The following HECW2 variants were observed in gnomAD, a reference collection of about 807,000 sequenced individuals.
HECW2 encodes HECT, C2 and WW domain containing E3 ubiquitin protein ligase 2, also known as E3 ubiquitin-protein ligase HECW2.
In HECW2, 61 loss-of-function variants were observed where a neutral mutation model predicts 175.2. The observed-to-expected ratio is 0.35, with a 90% CI of 0.28 to 0.43. The LOEUF (loss-of-function observed/expected upper bound fraction) is 0.43, where lower values mean the gene tolerates loss of function less well. Ranked by LOEUF, HECW2 falls within the 20% of genes least tolerant of loss-of-function variation. The probability of loss-of-function intolerance (pLI) is 1.00; values close to 1 mark genes in which losing one functional copy is unlikely to be tolerated. For synonymous variants in HECW2, 671 were observed against 731.0 expected (o/e 0.92, Z 1.32); for missense variants, 1,524 against 2,000.5 (o/e 0.76, Z 4.54).
intron 1 of HECW2, among the ~76,000 whole-genome samples, chr2:196,552,980 A>T (rs1213641727): frequency 6.6e-6 from 1 of 152,192 alleles, no homozygotes; most frequent in Non-Finnish European, 1.5e-5. Context: ...TCCATTACCT[A>T]ATCTGGATAA....
At chr2:196,531,394 A>G (rs1260604811) in intron 1 of HECW2, among the ~76,000 whole-genome samples, 1 of 152,240 alleles carries the variant, frequency 6.6e-6, no homozygotes, top group African/African-American at 2.4e-5. Flanking sequence ...GCGGCAGCTC[A>G]GGCCTGTAAT....
chr2:196,498,613 C>T (rs1337908819), intron 1 of HECW2, among the ~76,000 whole-genome samples: 1 of 152,132 alleles, frequency 6.6e-6, no homozygotes, highest in Non-Finnish European at 1.5e-5. Context: ...TAGTTCCTTA[C>T]CAAACTTAAT....
intron 1 of HECW2, chr2:196,586,393 T>C (rs1575701169): frequency 6.6e-6 from 1 of 152,172 alleles, no homozygotes; most frequent in African/African-American, 2.4e-5. Flanking sequence ...TCCAAAGATA[T>C]CTTACTCCAC....
At chr2:196,507,590 T>C (rs1462203040) in intron 1 of HECW2, among the ~76,000 whole-genome samples, 1 of 152,184 alleles carries the variant, frequency 6.6e-6, no homozygotes, top group African/African-American at 2.4e-5. Context: ...AGTGATGAAG[T>C]TGAGAAACCC....
chr2:196,207,553 G>T (rs745743492), intron 28 of HECW2, among the ~76,000 whole-genome samples: 1 of 152,106 alleles, frequency 6.6e-6, no homozygotes, highest in East Asian at 1.9e-4. Context: ...CCAGGTGTTC[G>T]GTAAAGGTGA....
chr2:196,204,036 T>C (rs1369577488), intron 28 of HECW2, among the ~76,000 whole-genome samples: 1 of 152,234 alleles, frequency 6.6e-6, no homozygotes, highest in East Asian at 1.9e-4. Context: ...GGTCAGAATT[T>C]CCTTCCTTTT....
intron 13 of HECW2, among the ~76,000 whole-genome samples, chr2:196,306,050 G>A (rs969721704): frequency 3.9e-5 from 6 of 152,062 alleles, no homozygotes; most frequent in Non-Finnish European, 7.4e-5. Flanking sequence ...AGGAGATGGG[G>A]GCAGGAGGTG....
chr2:196,258,156 C>T (rs73042322), intron 17 of HECW2: 3 of 479,672 alleles, frequency 6.3e-6, no homozygotes, highest in Non-Finnish European at 1.1e-5. Flanking sequence ...CTGGCTTCAT[C>T]ATTTTGCTGC....
In HECW2 at chr2:196,253,687, T is replaced by C. The variant is rs190694216; in HGVS notation, c.3529+233A>G. The stretch of plus-strand genomic sequence containing the variant: ...ATGATATAACATCATGAAAAGTAAA[T>C]TCTATATCTGAGTATGTCATACCAC... On this transcript the variant is annotated intron_variant, in intron 19 of 28. Coordinates refer to ENST00000644978, the MANE Select transcript of HECW2 (RefSeq NM_001348768.2). Among the ~76,000 whole-genome samples the C allele has an allele frequency of 1.3e-3, 193 of 152,316 alleles. 5 individuals are homozygous for C. The highest frequency in any genetic ancestry group is 0.012 in the Admixed American group (191 of 15,296).
intron 3 of HECW2, among the ~76,000 whole-genome samples, chr2:196,341,494 T>C (rs1381718646): frequency 1.3e-5 from 2 of 152,218 alleles, no homozygotes; most frequent in South Asian, 2.1e-4. Context: ...GCTGGGGCAA[T>C]GTTGGAAAGT....
chr2:196,558,644 C>T (rs1260231061), intron 1 of HECW2, among the ~76,000 whole-genome samples: 4 of 152,206 alleles, frequency 2.6e-5, no homozygotes, highest in Admixed American at 1.3e-4. Context: ...TGGCGTATCC[C>T]TTGTGTAAAA....
At chr2:196,567,199 A>G (rs1690219650) in intron 1 of HECW2, among the ~76,000 whole-genome samples, 4 of 152,232 alleles carry the variant, frequency 2.6e-5, no homozygotes, top group African/African-American at 9.6e-5. Flanking sequence ...ATGGCAGAGC[A>G]ACAAAATACA....
intron 15 of HECW2, 25 bp downstream of exon 15, chr2:196,278,503 T>A: frequency 6.2e-7 from 1 of 1,609,364 alleles, no homozygotes; most frequent in South Asian, 1.1e-5. Flanking sequence ...AACCAACAGG[T>A]CAGTCCCCAA....
At chr2:196,330,123 T>C (rs1692303990) in intron 4 of HECW2, among the ~76,000 whole-genome samples, 3 of 152,284 alleles carry the variant, frequency 2.0e-5, no homozygotes, top group Admixed American at 2.0e-4. Flanking sequence ...TGGAGTCCTA[T>C]CTCCCTTGTA....
chr2:196,449,437 G>C (rs1382660093), intron 1 of HECW2, among the ~76,000 whole-genome samples: 1 of 152,168 alleles, frequency 6.6e-6, no homozygotes, highest in African/African-American at 2.4e-5. Flanking sequence ...TAGATAATTA[G>C]ATAATCCTTA....
chr2:196,398,537 C>T (rs1250939612), intron 2 of HECW2, among the ~76,000 whole-genome samples: 1 of 152,088 alleles, frequency 6.6e-6, no homozygotes, highest in Non-Finnish European at 1.5e-5. Context: ...GCCTTGTTTT[C>T]CAACCAATCA....
chr2:196,337,359 AG>A (rs1197852236), intron 3 of HECW2, among the ~76,000 whole-genome samples: 2 of 151,642 alleles, frequency 1.3e-5, no homozygotes, highest in East Asian at 3.9e-4. Context: ...ATATATACAA[AG>A]GCAGGTGGAA....
intron 17 of HECW2, chr2:196,260,288 G>A (rs1426880687): frequency 6.6e-6 from 1 of 152,244 alleles, no homozygotes; most frequent in African/African-American, 2.4e-5. Context: ...TACCAGGCCA[G>A]CTAATTCATC....
At chr2:196,328,984 G>A (rs1692256856) in intron 5 of HECW2, among the ~76,000 whole-genome samples, 1 of 151,508 alleles carries the variant, frequency 6.6e-6, no homozygotes, top group Non-Finnish European at 1.5e-5. Flanking sequence ...CCCTTTAGTG[G>A]TAAACTCTGA....
Sources: gnomAD v4.1 joint callset for allele counts (sites outside exome capture counted in the v4.1 genomes callset) on GRCh38, gnomAD v4.1.1 for gene constraint, MANE v1.5 for transcripts, NCBI Gene and HGNC (gene_info 2026-07-23, HGNC 2026-07-21) for gene names.